PTPRN2: variants seen among roughly 807,000 people sequenced by gnomAD.
PTPRN2 encodes the protein protein tyrosine phosphatase receptor type N2.
In PTPRN2, 74 loss-of-function variants were observed where a neutral mutation model predicts 118.8. The ratio of observed to expected loss-of-function variants is 0.62; its 90% CI spans 0.52 to 0.76. The LOEUF (loss-of-function observed/expected upper bound fraction) is 0.76, where lower values mean the gene tolerates loss of function less well. Among genes scored for constraint, PTPRN2 ranks in the 30% least tolerant of loss-of-function variants. The pLI is 0.00. For synonymous variants in PTPRN2, 641 were observed against 608.0 expected (o/e 1.05, Z -0.80); for missense variants, 1,481 against 1,394.4 (o/e 1.06, Z -0.99).
chr7:157,814,337 G>A (rs979297778), intron 12 of PTPRN2, among the ~76,000 whole-genome samples: 9 of 152,160 alleles, frequency 5.9e-5, no homozygotes, highest in African/African-American at 2.2e-4. Flanking sequence ...CCACGTCCAC[G>A]GTGCCGCCTG....
intron 11 of PTPRN2, among the ~76,000 whole-genome samples, chr7:157,926,197 G>T (rs1798981582): frequency 6.8e-6 from 1 of 147,434 alleles, no homozygotes; most frequent in Admixed American, 6.8e-5. Context: ...AGGAAGCTGA[G>T]GGTCCATGCA....
chr7:158,137,924 G>A (rs540607385), intron 7 of PTPRN2, among the ~76,000 whole-genome samples: 11 of 152,218 alleles, frequency 7.2e-5, no homozygotes, highest in East Asian at 5.8e-4. Context: ...ACCAATGCAC[G>A]CCCCAAGCAG....
At chr7:157,634,769 A>G (rs1804205714) in intron 14 of PTPRN2, among the ~76,000 whole-genome samples, 1 of 152,256 alleles carries the variant, frequency 6.6e-6, no homozygotes, top group African/African-American at 2.4e-5. Context: ...GTAGGCTGAC[A>G]GGGGTTCTAG....
chr7:157,669,128 G>A (rs777356173), intron 13 of PTPRN2, among the ~76,000 whole-genome samples: 4 of 152,174 alleles, frequency 2.6e-5, no homozygotes, highest in Admixed American at 2.6e-4. Flanking sequence ...CGGGGTCTGG[G>A]TGCATCTGGG....
Position 157,739,965 on chromosome 7 carries a change from G to A in PTPRN2, c.1789-57028C>T, listed in dbSNP as rs562310521. On this transcript the variant is annotated intron_variant, in intron 12 of 22. Coordinates refer to ENST00000389418, the MANE Select transcript of PTPRN2 (RefSeq NM_002847.5). ...GAAGCCAGAGCCAGCCAGGGTTCAG[G>A]GAGAGCGGAATCACTGGGACTGTAT... Among the ~76,000 whole-genome samples, 62 of 152,364 alleles carry A rather than the reference G, an allele frequency of 4.1e-4. No individual in the cohort carries two copies. The South Asian group carries it at 0.01, about 25-fold the overall frequency.
intron 11 of PTPRN2, among the ~76,000 whole-genome samples, chr7:158,075,387 G>A (rs764172302): frequency 7.2e-5 from 11 of 152,044 alleles, no homozygotes; most frequent in South Asian, 4.2e-4. Context: ...TGGTCTCTCC[G>A]GCAGCCCAGG....
rs965737378 is a variant in PTPRN2 at position 157,620,241 on chromosome 7, G to A, written c.2344+1121C>T. 2.0e-5 allele frequency among the ~76,000 whole-genome samples: 3 copies of A among 152,186 alleles called. No homozygotes were observed. The East Asian group carries it at 5.8e-4, about 29-fold the overall frequency. The stretch of plus-strand genomic sequence containing the variant: ...AAGTGTGGAACCTTCATTGGAACCT[G>A]CTATACACATAGAGGATGAGTGAGG... On this transcript the variant is annotated intron_variant, in intron 15 of 22. Transcript: ENST00000389418.
At chr7:158,151,709 C>A (rs1353990327) in intron 6 of PTPRN2, among the ~76,000 whole-genome samples, 2 of 152,038 alleles carry the variant, frequency 1.3e-5, no homozygotes, top group African/African-American at 4.8e-5. Context: ...CCCCAATCTT[C>A]CTCCCTCCCT....
At chr7:158,261,227 G>C (rs554167185) in intron 3 of PTPRN2, among the ~76,000 whole-genome samples, 2 of 152,248 alleles carry the variant, frequency 1.3e-5, no homozygotes, top group Admixed American at 1.3e-4. Context: ...GGCCAGGGTC[G>C]GCCTGCATGC....
At chr7:157,612,551 G>A (rs980156787) in intron 15 of PTPRN2, among the ~76,000 whole-genome samples, 1 of 152,208 alleles carries the variant, frequency 6.6e-6, no homozygotes, top group Non-Finnish European at 1.5e-5. Context: ...TGAGATTAAC[G>A]CCCGTTTTGT....
intron 12 of PTPRN2, among the ~76,000 whole-genome samples, chr7:157,758,148 C>T (rs1404049019): frequency 1.3e-5 from 2 of 152,214 alleles, no homozygotes; most frequent in African/African-American, 4.8e-5. Flanking sequence ...CCGTAGCTCC[C>T]GGCGTGGCTG....
chr7:157,785,953 T>G lies in PTPRN2; in HGVS notation c.1789-103016A>C, dbSNP rs972557176. Among the ~76,000 whole-genome samples the G allele has an allele frequency of 7.2e-5, 11 of 152,074 alleles. No homozygotes were observed. The highest frequency in any genetic ancestry group is 2.4e-4 in the African/African-American group (10 of 41,446). Reference sequence around the variant, plus strand: ...GGTGGGAGGGCCGGGTGGGGATGGCTGCAGGGACCCCCTGGGCCGGCTCTG... The same window carrying G: ...GGTGGGAGGGCCGGGTGGGGATGGCGGCAGGGACCCCCTGGGCCGGCTCTG... On this transcript the variant is annotated intron_variant, in intron 12 of 22. Coordinates refer to ENST00000389418, the MANE Select transcript of PTPRN2 (RefSeq NM_002847.5). This position sits in a 1 kb window ranked among gnomAD's most constrained non-coding sequence, Gnocchi z 7.3.
At chr7:158,313,137 C>A (rs895824178) in intron 3 of PTPRN2, among the ~76,000 whole-genome samples, 1 of 152,116 alleles carries the variant, frequency 6.6e-6, no homozygotes, top group Non-Finnish European at 1.5e-5. Flanking sequence ...TGTGTCTACA[C>A]GTGAGCATGT....
chr7:158,364,779 C>T (rs1277343740), intron 2 of PTPRN2, among the ~76,000 whole-genome samples: 1 of 152,180 alleles, frequency 6.6e-6, no homozygotes, highest in African/African-American at 2.4e-5. Context: ...TCCACACACA[C>T]AGGTCTCCAG....
intron 14 of PTPRN2, among the ~76,000 whole-genome samples, chr7:157,648,816 C>A: frequency 9.1e-6 from 1 of 110,032 alleles, no homozygotes; most frequent in Non-Finnish European, 1.8e-5. Flanking sequence ...ACCCATCCAG[C>A]GTGCACTGAA....
chr7:157,770,011 C>T (rs1415077899), intron 12 of PTPRN2, among the ~76,000 whole-genome samples: 1 of 152,194 alleles, frequency 6.6e-6, no homozygotes, highest in African/African-American at 2.4e-5. Flanking sequence ...CCACGCTTGG[C>T]CCCAGCAGCC....
At chr7:158,381,958 G>T (rs529531638) in intron 2 of PTPRN2, among the ~76,000 whole-genome samples, 1 of 152,114 alleles carries the variant, frequency 6.6e-6, no homozygotes, top group Non-Finnish European at 1.5e-5. Context: ...CATGATTCAA[G>T]TGCCTCCCAC....
chr7:157,942,441 C>T (rs1800204794), intron 11 of PTPRN2, among the ~76,000 whole-genome samples: 1 of 152,152 alleles, frequency 6.6e-6, no homozygotes, highest in African/African-American at 2.4e-5. Flanking sequence ...AGCGAATGTC[C>T]TGAAAATGCT....
In PTPRN2 at chr7:157,575,820, A is replaced by G. The variant is rs150969557; in HGVS notation, c.2783+793T>C. Among the ~76,000 whole-genome samples, 114 of 152,322 alleles carry G rather than the reference A, an allele frequency of 7.5e-4. 1 individual carries two copies. In the East Asian group the frequency reaches 0.021, roughly 28 times the overall value. On this transcript the variant is annotated intron_variant, in intron 19 of 22. Transcript: ENST00000389418. ...TGGATATTTGTCTCTTTTCCTCAAT[A>G]GGTAGACTTCTGATCAGTTAAATGT... is the stretch of plus-strand genomic sequence containing the variant.
Sources: allele counts gnomAD v4.1 joint callset (sites outside exome capture counted in the v4.1 genomes callset), GRCh38; gene constraint gnomAD v4.1.1; non-coding constraint Gnocchi (gnomAD v3.1); transcripts MANE v1.5; gene names NCBI Gene and HGNC (gene_info 2026-07-23, HGNC 2026-07-21).